Variants in TUBE1 observed in about 807,000 individuals in gnomAD.
TUBE1 encodes the protein tubulin epsilon chain.
A neutral mutation model predicts 53.5 loss-of-function variants in TUBE1; 34 were observed. The observed-to-expected ratio is 0.64, with a 90% CI of 0.48 to 0.85. TUBE1 has a LOEUF of 0.85. TUBE1 is among the 40% of genes least tolerant of loss of function. The pLI is 0.00. For synonymous variants in TUBE1, 177 were observed against 198.4 expected (o/e 0.89, Z 0.91); for missense variants, 532 against 570.5 (o/e 0.93, Z 0.69).
intron 8 of TUBE1, 128 bp from the exon 9 acceptor site, chr6:112,074,978 G>T: frequency 2.2e-6 from 1 of 452,160 alleles, no homozygotes; most frequent in Non-Finnish European, 3.7e-6. Flanking sequence ...CAGAACACAT[G>T]CTTTTCTTCC....
At position 112,072,764 on chromosome 6, in the gene TUBE1, A is replaced by C. The variant is rs1554315533; in HGVS notation, c.1088T>G (p.Ile363Ser). The C allele has an allele frequency of 1.2e-6, 2 of 1,612,880 alleles. No homozygotes were observed. Among genetic ancestry groups the C allele is most frequent in the South Asian group, 2.2e-5 (2 of 91,008 alleles). Residue 363 changes from isoleucine (I) to serine (S), a missense_variant, in exon 10 of 12, where the codon ATT becomes AGT. Physicochemically the swap from Ile to Ser is moderately radical, Grantham distance 142 (BLOSUM62 -2). Transcript: ENST00000368662. ...TTAAAAATATAAACCAAACCTTTCA[A>C]TATTTCTACGAAGATCTGAAATTTG... ...NVQISDLRRN[I>S]ERLKPSLQFV...
chr6:112,079,795 ATT>A (rs782216042), intron 5 of TUBE1, 41 bp from the exon 6 acceptor site: 6 of 1,574,092 alleles, frequency 3.8e-6, no homozygotes, highest in Middle Eastern at 3.4e-4. Flanking sequence ...CCTTGCATTT[ATT>A]TTTTTATTTG....
Position 112,071,826 on chromosome 6 carries a change from AAT to A in TUBE1, c.1269+74_1269+75del, listed in dbSNP as rs1776870964. The A allele has an allele frequency of 5.8e-6, 8 of 1,377,278 alleles. No individual in the cohort carries two copies. The Admixed American group carries it at 1.9e-4, about 33-fold the overall frequency. The allele number at this position is 1,377,278 out of a possible 1,614,324, so 85.3% of individuals were successfully genotyped here. A position where few individuals can be genotyped will look rare whatever the true frequency, so the allele number is the denominator to read the frequency against. ...ATAGAAAACATCACCCCTGATTTGT[AAT>A]AGTGTAATTTTTAAGAATACATCTT... On this transcript the variant is annotated intron_variant, in intron 11 of 11. Coordinates refer to ENST00000368662, the MANE Select transcript of TUBE1 (RefSeq NM_016262.5).
At chr6:112,080,785 A>G (rs1777057283) in intron 5 of TUBE1, among the ~76,000 whole-genome samples, 1 of 152,118 alleles carries the variant, frequency 6.6e-6, no homozygotes, top group African/African-American at 2.4e-5. Context: ...GAGTGAGTCA[A>G]ATAACATAGA....
chr6:112,086,413 C>A (rs999421518), intron 3 of TUBE1, 143 bp downstream of exon 3: 2 of 499,256 alleles, frequency 4.0e-6, no homozygotes, highest in Non-Finnish European at 7.0e-6. Flanking sequence ...TATTAATAAT[C>A]TAATAGAATA....
At chr6:112,083,975 T>C (rs113529127) in intron 4 of TUBE1, 160 of 526,090 alleles carry the variant, frequency 3.0e-4, no homozygotes, top group African/African-American at 2.5e-3. Context: ...CTATTTCTCC[T>C]GAAAACAGGC....
chr6:112,086,441 G>T, intron 3 of TUBE1, 115 bp downstream of exon 3: 1 of 627,120 alleles, frequency 1.6e-6, no homozygotes, highest in Non-Finnish European at 2.6e-6. Context: ...TTTCAATAAT[G>T]AAACAAAAAA....
In TUBE1 at chr6:112,071,819, G is replaced by A. The variant is rs1776870900; in HGVS notation, c.1269+83C>T. Reference sequence around the variant, plus strand: ...GCACATAATAGAAAACATCACCCCTGATTTGTAATAGTGTAATTTTTAAGA... The same window carrying A: ...GCACATAATAGAAAACATCACCCCTAATTTGTAATAGTGTAATTTTTAAGA... On this transcript the variant is annotated intron_variant, in intron 11 of 11. Transcript: ENST00000368662. 1.6e-5 allele frequency: 22 copies of A among 1,338,250 alleles called. No individual in the cohort carries two copies. In the East Asian group the frequency reaches 4.3e-4, roughly 26 times the overall value. 82.9% of individuals were successfully genotyped at this position (1,338,250 alleles called of 1,614,324 possible). A position where few individuals can be genotyped will look rare whatever the true frequency, so the allele number is the denominator to read the frequency against.
Position 112,075,945 on chromosome 6 carries a change from G to T in TUBE1, c.804C>A (p.Asn268Lys). The T allele has an allele frequency of 6.2e-7, 1 of 1,610,336 alleles. No homozygotes were observed. ...TCCCTGGATAGAATTACCTCGTTAG[G>T]TTGAGGAGCAAATTTGCCACAATGT... The part of the protein sequence containing the change: ...MNNIVANLLL[N>K]LTSSARFEGS... Residue 268 changes from asparagine to lysine, a missense_variant, in exon 8 of 12, where the codon AAC becomes AAA. Coordinates refer to ENST00000368662, the MANE Select transcript of TUBE1 (RefSeq NM_016262.5).
chr6:112,087,251 C>T lies in TUBE1; in HGVS notation c.81G>A (p.Glu27=). ...GCCFWDLALR[E]HAAVNQKGIY... ...CGGGTACCTGGTTGACCGCGGCGTG[C>T]TCCCTTAGTGCCAGGTCCCAGAAGC... The change falls in exon 2 of 12, where the codon GAG becomes GAA. Residue 27 remains glutamate (E), a synonymous_variant. Transcript: ENST00000368662. 6.4e-7 allele frequency: 1 copy of T among 1,551,386 alleles called. No homozygotes were observed. Among genetic ancestry groups the T allele is most frequent in the Non-Finnish European group, 8.7e-7 (1 of 1,147,026 alleles).
intron 6 of TUBE1, 124 bp downstream of exon 6, chr6:112,079,509 C>A: frequency 1.1e-6 from 1 of 886,228 alleles, no homozygotes; most frequent in Non-Finnish European, 1.7e-6. Flanking sequence ...TATACTCAAA[C>A]TACACACCCT....
chr6:112,073,576 C>T (rs1776904678), intron 9 of TUBE1, among the ~76,000 whole-genome samples: 1 of 152,106 alleles, frequency 6.6e-6, no homozygotes, highest in Non-Finnish European at 1.5e-5. Flanking sequence ...GTGTATGTTG[C>T]TTAGCTTGTT....
rs1009899564 is a variant in TUBE1, at chr6:112,070,747, T to G, written c.*665A>C. The G allele has an allele frequency of 7.2e-5, 11 of 152,200 alleles. No homozygotes were observed. The highest frequency in any genetic ancestry group is 2.4e-4 in the African/African-American group (10 of 41,460). The allele number at this position is 152,200 out of a possible 1,614,324, so 9.4% of individuals were successfully genotyped here. On this transcript the variant is annotated 3_prime_UTR_variant, in exon 12 of 12. Transcript: ENST00000368662. ...GTAACATTCTGTTCATTTGCATAAA[T>G]GTCATGCAGAACAATAACAAGTAGC...
rs782431086 is a variant in TUBE1, at chr6:112,071,417, T to C, written c.1423A>G (p.Met475Val). 4.6e-6 allele frequency: 7 copies of C among 1,537,018 alleles called. No homozygotes were observed. In the East Asian group the frequency reaches 1.6e-4, roughly 35 times the overall value. The change falls in exon 12 of 12, where the codon ATG (methionine) becomes GTG (valine). Residue 475 changes from methionine (M) to valine (V), a missense_variant. Transcript: ENST00000368662. Reference protein sequence around the residue: ...VQDLPRLSIAM With the variant: ...VQDLPRLSIAV ...TATTTTTGAGGGTTTCTTTTTCACA[T>C]AGCTATGCTTAGTCTGGGTAAATCC...
chr6:112,073,365 C>A (rs587594345), intron 9 of TUBE1, among the ~76,000 whole-genome samples: 1 of 152,148 alleles, frequency 6.6e-6, no homozygotes, highest in African/African-American at 2.4e-5. Context: ...TATCAAAGGA[C>A]AATGTGAAGC....
intron 9 of TUBE1, among the ~76,000 whole-genome samples, chr6:112,073,231 T>C (rs1776900331): frequency 6.6e-6 from 1 of 152,158 alleles, no homozygotes; most frequent in Non-Finnish European, 1.5e-5. Context: ...TATTATTACT[T>C]AGTTCGGTAT....
chr6:112,083,276 A>C (rs948055914), intron 4 of TUBE1, among the ~76,000 whole-genome samples: 2 of 151,042 alleles, frequency 1.3e-5, no homozygotes, highest in African/African-American at 4.9e-5. Flanking sequence ...TCTTTAAGCT[A>C]CTACACCAGG....
chr6:112,078,542 C>G (rs1777012244), intron 6 of TUBE1: 1 of 151,884 alleles, frequency 6.6e-6, no homozygotes, highest in Non-Finnish European at 1.5e-5. Flanking sequence ...CCCTGCAAAC[C>G]TGATCATCTG....
chr6:112,073,026 T>C (rs1776896874), intron 9 of TUBE1, 128 bp from the exon 10 acceptor site: 4 of 544,236 alleles, frequency 7.3e-6, no homozygotes, highest in Non-Finnish European at 1.1e-5. Context: ...TATTAGATTA[T>C]ATATATTCTA....
Sources: gnomAD v4.1 joint callset for allele counts (sites outside exome capture counted in the v4.1 genomes callset) on GRCh38, gnomAD v4.1.1 for gene constraint, MANE v1.5 for transcripts, NCBI Gene and HGNC (gene_info 2026-07-23, HGNC 2026-07-21) for gene names.